The following GABPB1 variants were observed in gnomAD, a reference collection of about 807,000 sequenced individuals.
The protein encoded by GABPB1 is GA binding protein transcription factor subunit beta 1.
Under a neutral mutation model 45.9 loss-of-function variants are expected in GABPB1, and 15 were observed. That is an observed-to-expected ratio of 0.33 (90% CI 0.22 to 0.50). GABPB1 has a LOEUF of 0.50. GABPB1 is among the 20% of genes least tolerant of loss of function. The pLI, the probability that GABPB1 is intolerant of heterozygous loss-of-function variation, is 0.98. For synonymous variants in GABPB1, 143 were observed against 154.4 expected (o/e 0.93, Z 0.55); for missense variants, 252 against 457.5 (o/e 0.55, Z 4.10).
chr15:50,326,753 G>A (rs763614948), intron 1 of GABPB1, among the ~76,000 whole-genome samples: 1 of 152,004 alleles, frequency 6.6e-6, no homozygotes. Flanking sequence ...AGGACTGCTT[G>A]AGCCTGGGAG....
In GABPB1 at chr15:50,289,519, G is replaced by A; in HGVS notation, c.847C>T (p.Gln283Ter). 6.2e-7 allele frequency: 1 copy of A among 1,613,050 alleles called. No individual in the cohort carries two copies. Among genetic ancestry groups the A allele is most frequent in the Non-Finnish European group, 8.5e-7 (1 of 1,179,614 alleles). ...LHSIPTSGIG[Q>*]PIIVTMPDGQ... ...TCTGGCATGGTCACAATGATGGGCT[G>A]ACCAATTCCACTGGTTGGAATAGAG... Residue 283 changes from glutamine to a stop codon, truncating the protein, a stop_gained, in exon 7 of 9, where the codon CAG (glutamine) becomes TAG (stop). Coordinates refer to ENST00000380877, the MANE Select transcript of GABPB1 (RefSeq NM_016654.5). LOFTEE classifies it high-confidence loss of function.
At chr15:50,328,541 T>G (rs2047849730) in intron 1 of GABPB1, among the ~76,000 whole-genome samples, 1 of 152,240 alleles carries the variant, frequency 6.6e-6, no homozygotes, top group Admixed American at 6.5e-5. Flanking sequence ...AATAGCAACA[T>G]GCTTGATATT....
intron 1 of GABPB1, among the ~76,000 whole-genome samples, chr15:50,328,686 C>A (rs11070768): frequency 0.49 from 74,666 of 151,946 alleles, 19,466 homozygotes; most frequent in Middle Eastern, 0.65. Flanking sequence ...AAATCTGTGG[C>A]ATCATACTTT....
chr15:50,292,643 C>T (rs534663815), intron 6 of GABPB1, among the ~76,000 whole-genome samples: 6 of 152,166 alleles, frequency 3.9e-5, no homozygotes, highest in Non-Finnish European at 5.9e-5. Context: ...TGACTATACA[C>T]GACATTTGGA....
At chr15:50,332,617 G>T (rs1295423817) in intron 1 of GABPB1, among the ~76,000 whole-genome samples, 1 of 151,944 alleles carries the variant, frequency 6.6e-6, no homozygotes, top group African/African-American at 2.4e-5. Flanking sequence ...TGATTGTTAG[G>T]ACTTACTTTA....
chr15:50,316,082 G>C (rs11630045), intron 1 of GABPB1, among the ~76,000 whole-genome samples: 71,821 of 152,066 alleles, frequency 0.47, 18,393 homozygotes, highest in Middle Eastern at 0.65. Flanking sequence ...AAAATCCTCA[G>C]ACATAAAGTG....
chr15:50,292,441 T>C (rs1016276368), intron 6 of GABPB1, among the ~76,000 whole-genome samples: 1 of 151,894 alleles, frequency 6.6e-6, no homozygotes, highest in African/African-American at 2.4e-5. Context: ...GATATTCAAA[T>C]GTTCTCAAAG....
intron 7 of GABPB1, among the ~76,000 whole-genome samples, chr15:50,286,754 G>A (rs1025401599): frequency 6.6e-6 from 1 of 151,986 alleles, no homozygotes; most frequent in Non-Finnish European, 1.5e-5. Context: ...CATAAACATT[G>A]CTTGTTTTTG....
Position 50,277,786 on chromosome 15 carries a change from C to T in GABPB1, c.*846G>A, listed in dbSNP as rs947767090. The T allele has an allele frequency of 6.6e-6, 1 of 152,534 alleles. No homozygotes were observed. The highest frequency in any genetic ancestry group is 2.4e-5 in the African/African-American group (1 of 41,420). The allele number at this position is 152,534 out of a possible 1,614,324, so 9.4% of individuals were successfully genotyped here. A position where few individuals can be genotyped will look rare whatever the true frequency, so the allele number is the denominator to read the frequency against. On this transcript the variant is annotated 3_prime_UTR_variant, in exon 9 of 9. Transcript: ENST00000380877. The stretch of plus-strand genomic sequence containing the variant: ...GAAGGCACAGAATACAGTTTCACGT[C>T]CCCACTCTTAAATTTTCAAAAAAGC...
intron 1 of GABPB1, among the ~76,000 whole-genome samples, chr15:50,315,817 G>A (rs568734840): frequency 2.6e-5 from 4 of 152,204 alleles, no homozygotes; most frequent in African/African-American, 9.7e-5. Flanking sequence ...ACTCAAGCCT[G>A]TAATCCTAGC....
intron 2 of GABPB1, among the ~76,000 whole-genome samples, chr15:50,306,764 T>C (rs1381722179): frequency 8.5e-5 from 13 of 152,140 alleles, no homozygotes; most frequent in Admixed American, 2.0e-4. Flanking sequence ...CCCTAAAAAA[T>C]ATACTTTGGT....
Position 50,289,394 on chromosome 15 carries a change from C to G in GABPB1, c.883+89G>C, listed in dbSNP as rs2046269952. The G allele has an allele frequency of 2.5e-5, 20 of 790,988 alleles. No individual in the cohort carries two copies. The South Asian group carries it at 3.4e-4, about 14-fold the overall frequency. 49.0% of individuals were successfully genotyped at this position (790,988 alleles called of 1,614,324 possible). On this transcript the variant is annotated intron_variant, in intron 7 of 8. Transcript: ENST00000380877. ...ATTTCCTGAGAATTAAAAATAAACA[C>G]AATCTTTTTGGACTGCAGGGAAGAC... is the stretch of plus-strand genomic sequence containing the variant.
At chr15:50,288,693 C>T (rs1294674678) in intron 7 of GABPB1, among the ~76,000 whole-genome samples, 1 of 152,188 alleles carries the variant, frequency 6.6e-6, no homozygotes, top group African/African-American at 2.4e-5. Context: ...TTTAGTTTCA[C>T]TGAAAATGTA....
chr15:50,308,702 T>C (rs547197813), intron 2 of GABPB1, among the ~76,000 whole-genome samples: 14 of 152,348 alleles, frequency 9.2e-5, no homozygotes, highest in Non-Finnish European at 1.5e-4. Context: ...TTCTCTGGGT[T>C]CTTGCCTTCA....
At chr15:50,315,971 G>A (rs1334845828) in intron 1 of GABPB1, among the ~76,000 whole-genome samples, 1 of 152,178 alleles carries the variant, frequency 6.6e-6, no homozygotes, top group Non-Finnish European at 1.5e-5. Flanking sequence ...GGCTGAAGCA[G>A]GAGAATCCCT....
chr15:50,289,412 G>A, intron 7 of GABPB1, 71 bp downstream of exon 7: 1 of 954,352 alleles, frequency 1.0e-6, no homozygotes, highest in Non-Finnish European at 1.5e-6. Flanking sequence ...TTGGACTGCA[G>A]GGAAGACTTA....
Position 50,302,912 on chromosome 15 carries a change from TA to T in GABPB1, c.471+16del. The T allele has an allele frequency of 6.4e-7, 1 of 1,556,182 alleles. No individual in the cohort carries two copies. Reference sequence around the variant, plus strand: ...CTTCTTTTTCTTTATTTTCTTAAATTAAAAGCCAAAAGTTACCTGTAATATC... The same window carrying T: ...CTTCTTTTTCTTTATTTTCTTAAATTAAAGCCAAAAGTTACCTGTAATATC... On this transcript the variant is annotated intron_variant, in intron 4 of 8. Transcript: ENST00000380877.
intron 1 of GABPB1, among the ~76,000 whole-genome samples, chr15:50,334,368 A>G (rs577087856): frequency 6.6e-6 from 1 of 152,256 alleles, no homozygotes; most frequent in South Asian, 2.1e-4. Context: ...TTTTGCCTCT[A>G]GCCATCATCT....
At chr15:50,333,318 C>T (rs2048006998) in intron 1 of GABPB1, among the ~76,000 whole-genome samples, 1 of 152,158 alleles carries the variant, frequency 6.6e-6, no homozygotes, top group African/African-American at 2.4e-5. Flanking sequence ...AAAAATTAGA[C>T]AGGTCGAGGT....
Sources: allele counts gnomAD v4.1 joint callset (sites outside exome capture counted in the v4.1 genomes callset), GRCh38; gene constraint gnomAD v4.1.1; transcripts MANE v1.5; gene names NCBI Gene and HGNC (gene_info 2026-07-23, HGNC 2026-07-21).